DOCK10: variants seen among roughly 807,000 people sequenced by gnomAD.
The protein encoded by DOCK10 is dedicator of cytokinesis 10.
In DOCK10, 145 loss-of-function variants were observed where a neutral mutation model predicts 280.1. The observed-to-expected ratio is 0.52, with a 90% confidence interval of 0.45 to 0.59. DOCK10 has a LOEUF of 0.59. Ranked by LOEUF, DOCK10 falls within the 20% of genes least tolerant of loss-of-function variation. The pLI, the probability that DOCK10 is intolerant of heterozygous loss-of-function variation, is 0.00. For synonymous variants in DOCK10, 915 were observed against 942.2 expected, an observed-to-expected ratio of 0.97 and a Z score of 0.53; for missense variants, 2,368 against 2,651.7, an observed-to-expected ratio of 0.89 and a Z score of 2.35.
chr2:224,795,950 T>G (rs1219771784), intron 44 of DOCK10, among the ~76,000 whole-genome samples: 1 of 152,196 alleles, frequency 6.6e-6, no homozygotes, highest in Non-Finnish European at 1.5e-5. Context: ...GATCACATGC[T>G]TAAAGTGTAA....
Position 224,876,084 on chromosome 2 carries a change from C to T in DOCK10, c.885G>A (p.Gly295=). ...CTGTGCTCCTCCTCCCTTGGAGGGGCCCCTCAGGACTGATTTGCAGAATGC... is the reference window on the plus strand; with the variant it reads ...CTGTGCTCCTCCTCCCTTGGAGGGGTCCCTCAGGACTGATTTGCAGAATGC... ...LNRILQISPE[G]PLQGRRSTEL... is the part of the protein sequence containing the mutation. The change falls in exon 8 of 56, where the codon GGG becomes GGA. Residue 295 remains glycine, a synonymous_variant. Transcript: ENST00000258390. The T allele has an allele frequency of 1.1e-5, 18 of 1,613,754 alleles. No homozygotes were observed. The highest frequency in any genetic ancestry group is 1.4e-5 in the Non-Finnish European group (17 of 1,179,786).
chr2:224,971,557 C>T (rs1705083737), intron 1 of DOCK10, among the ~76,000 whole-genome samples: 1 of 152,110 alleles, frequency 6.6e-6, no homozygotes, highest in South Asian at 2.1e-4. Flanking sequence ...TAGTTCAATG[C>T]AGCCACCACT....
At chr2:224,958,701 G>T (rs1049617940) in intron 1 of DOCK10, among the ~76,000 whole-genome samples, 1 of 152,030 alleles carries the variant, frequency 6.6e-6, no homozygotes, top group South Asian at 2.1e-4. Context: ...AACTTTTCAT[G>T]GTTACTTTTC....
intron 1 of DOCK10, among the ~76,000 whole-genome samples, chr2:225,015,376 C>A (rs143347209): frequency 1.3e-5 from 2 of 152,124 alleles, no homozygotes; most frequent in South Asian, 4.1e-4. Flanking sequence ...TTTAAAGAAG[C>A]CTTTTCCAGA....
chr2:224,958,119 T>G (rs1369530489), intron 1 of DOCK10, among the ~76,000 whole-genome samples: 1 of 152,222 alleles, frequency 6.6e-6, no homozygotes, highest in Non-Finnish European at 1.5e-5. Flanking sequence ...TCTACTTTAT[T>G]AGATGTTGTG....
At chr2:224,945,368 G>C (rs1363366372) in intron 1 of DOCK10, among the ~76,000 whole-genome samples, 5 of 152,154 alleles carry the variant, frequency 3.3e-5, no homozygotes, top group Non-Finnish European at 7.3e-5. Context: ...GACCAATGGG[G>C]AGAAAGAGGT....
At position 224,834,195 on chromosome 2, in the gene DOCK10, A is replaced by C; in HGVS notation, c.2919T>G (p.Gly973=). The C allele has an allele frequency of 6.2e-7, 1 of 1,613,530 alleles. No homozygotes were observed. Among genetic ancestry groups the C allele is most frequent in the Non-Finnish European group, 8.5e-7 (1 of 1,179,564 alleles). ...VHEELAKNVT[G]LLKSNDSTTV... ...TTGTTGAGTCATTTGATTTCAAAAG[A>C]CCAGTCACATTTTTAGCCAGTTCCT... is the stretch of plus-strand genomic sequence containing the variant. The change falls in exon 26 of 56, where the codon GGT becomes GGG. Residue 973 remains glycine (G), a synonymous_variant. Transcript: ENST00000258390.
chr2:225,010,175 A>AT (rs1192118484), intron 1 of DOCK10, among the ~76,000 whole-genome samples: 6 of 152,132 alleles, frequency 3.9e-5, no homozygotes, highest in Non-Finnish European at 7.4e-5. Flanking sequence ...TCTGCCAGCA[A>AT]CCAAGCCAGG....
intron 2 of DOCK10, 110 bp from the exon 3 acceptor site, chr2:224,916,894 A>G: frequency 1.3e-6 from 1 of 784,250 alleles, no homozygotes. Context: ...ATTTAAAGTT[A>G]ACAGAAGACA....
chr2:225,024,731 A>AAAC (rs1689873493), intron 1 of DOCK10, among the ~76,000 whole-genome samples: 1 of 151,606 alleles, frequency 6.6e-6, no homozygotes, highest in African/African-American at 2.4e-5. Flanking sequence ...AAAATACAAA[A>AAAC]AAAAAAAAAT....
At chr2:225,038,363 C>T (rs1395921635) in intron 1 of DOCK10, among the ~76,000 whole-genome samples, 1 of 152,174 alleles carries the variant, frequency 6.6e-6, no homozygotes, top group Middle Eastern at 3.4e-3. Context: ...GAATTCCTCA[C>T]GCTCACGTAA....
At chr2:224,857,613 A>G (rs1272800978) in intron 14 of DOCK10, among the ~76,000 whole-genome samples, 1 of 152,230 alleles carries the variant, frequency 6.6e-6, no homozygotes, top group African/African-American at 2.4e-5. Flanking sequence ...AGTTAGGCTT[A>G]GTTGAAACAC....
chr2:224,941,858 A>T (rs1703106614), intron 1 of DOCK10, among the ~76,000 whole-genome samples: 1 of 151,892 alleles, frequency 6.6e-6, no homozygotes, highest in African/African-American at 2.4e-5. Context: ...AAAAAAAAAA[A>T]AAGTTTATAG....
rs927275208 is a variant in DOCK10 at position 224,833,764 on chromosome 2, T to C, written c.2964+386A>G. On this transcript the variant is annotated intron_variant, in intron 26 of 55. Coordinates refer to ENST00000258390, the MANE Select transcript of DOCK10 (RefSeq NM_014689.3). ...CGGGTTCAAGCGATTCCCCTGCCTC[T>C]GCCTCCTGAGTAGCTGGGATTACAG... 3.3e-5 allele frequency among the ~76,000 whole-genome samples: 5 copies of C among 152,070 alleles called. No homozygotes were observed. In the South Asian group the frequency reaches 8.3e-4, roughly 25 times the overall value.
At chr2:225,007,073 T>C (rs759265905) in intron 1 of DOCK10, among the ~76,000 whole-genome samples, 2 of 152,238 alleles carry the variant, frequency 1.3e-5, no homozygotes, top group Non-Finnish European at 2.9e-5. Flanking sequence ...TTCTGTTTAC[T>C]TCTAGTAAAT....
intron 1 of DOCK10, among the ~76,000 whole-genome samples, chr2:225,002,632 C>T (rs1706468992): frequency 6.6e-6 from 1 of 152,210 alleles, no homozygotes; most frequent in African/African-American, 2.4e-5. Context: ...AATGGCCACG[C>T]CATGCCACGA....
At chr2:225,041,916 A>G (rs1690439745) in intron 1 of DOCK10, among the ~76,000 whole-genome samples, 1 of 152,096 alleles carries the variant, frequency 6.6e-6, no homozygotes, top group Non-Finnish European at 1.5e-5. Flanking sequence ...CACTCGTATC[A>G]CTTAGCACCA....
At chr2:225,036,003 C>T (rs1690250607) in intron 1 of DOCK10, among the ~76,000 whole-genome samples, 1 of 151,976 alleles carries the variant, frequency 6.6e-6, no homozygotes, top group Non-Finnish European at 1.5e-5. Flanking sequence ...GTTAAGGCAT[C>T]GACATATTAA....
chr2:224,765,692 T>C lies in DOCK10; in HGVS notation c.*29A>G, dbSNP rs780410572. The C allele has an allele frequency of 1.6e-5, 23 of 1,466,290 alleles. No individual in the cohort carries two copies. The highest frequency in any genetic ancestry group is 2.0e-5 in the Non-Finnish European group (21 of 1,054,474). 90.8% of individuals were successfully genotyped at this position (1,466,290 alleles called of 1,614,324 possible). On this transcript the variant is annotated 3_prime_UTR_variant, in exon 56 of 56. Coordinates refer to ENST00000258390, the MANE Select transcript of DOCK10 (RefSeq NM_014689.3). ...TTAGCTGCAAATTCAGAAAGTTCTC[T>C]TAGAGGTGGGTCTGATGCTGCAGAG...
Sources: allele counts gnomAD v4.1 joint callset (sites outside exome capture counted in the v4.1 genomes callset), GRCh38; gene constraint gnomAD v4.1.1; transcripts MANE v1.5; gene names NCBI Gene and HGNC (gene_info 2026-07-23, HGNC 2026-07-21).